The following SCAF8 variants were observed in gnomAD, a reference collection of about 807,000 sequenced individuals.
SCAF8 encodes SR-related and CTD-associated factor 8.
Under a neutral mutation model 140.5 loss-of-function variants are expected in SCAF8, and 23 were observed. The ratio of observed to expected loss-of-function variants is 0.16; its 90% CI spans 0.12 to 0.23. The LOEUF (loss-of-function observed/expected upper bound fraction) is 0.23. Ranked by LOEUF, SCAF8 falls within the 10% of genes least tolerant of loss-of-function variation. SCAF8 has a pLI of 1.00. For missense variants in SCAF8, 1,397 were observed against 1,555.7 expected (o/e 0.90, Z 1.72); for synonymous variants, 575 against 528.9 (o/e 1.09, Z -1.20).
chr6:154,810,912 A>G (rs540148672), intron 12 of SCAF8, among the ~76,000 whole-genome samples: 11 of 152,208 alleles, frequency 7.2e-5, no homozygotes, highest in Non-Finnish European at 1.5e-4. Context: ...AGAGCTAAAC[A>G]TTGATTGTGT....
chr6:154,739,112 A>T (rs577843680), intron 1 of SCAF8, among the ~76,000 whole-genome samples: 2 of 152,124 alleles, frequency 1.3e-5, no homozygotes, highest in South Asian at 4.1e-4. Context: ...CAGCCTCCTG[A>T]GTAACTAGGA....
intron 3 of SCAF8, 96 bp downstream of exon 3, chr6:154,778,141 T>G (rs1776969531): frequency 8.9e-6 from 6 of 672,014 alleles, no homozygotes; most frequent in African/African-American, 1.8e-5. Flanking sequence ...ATTGTTTTGA[T>G]GGACTGTTAA....
At chr6:154,754,306 GTCT>G (rs1275638832) in intron 1 of SCAF8, among the ~76,000 whole-genome samples, 3 of 152,164 alleles carry the variant, frequency 2.0e-5, no homozygotes, top group Non-Finnish European at 4.4e-5. Flanking sequence ...TGTTTTTAAA[GTCT>G]TCTTGGTTAT....
chr6:154,737,869 G>T (rs982304611), intron 1 of SCAF8, among the ~76,000 whole-genome samples: 1 of 152,112 alleles, frequency 6.6e-6, no homozygotes, highest in South Asian at 2.1e-4. Context: ...GGCCTAAGCC[G>T]TGGTGCCTGC....
chr6:154,833,700 T>A lies in SCAF8; in HGVS notation c.*305T>A. The A allele has an allele frequency of 4.1e-6, 1 of 243,394 alleles. No homozygotes were observed. The highest frequency in any genetic ancestry group is 7.9e-6 in the Non-Finnish European group (1 of 126,474). The allele number at this position is 243,394 out of a possible 1,614,324, so 15.1% of individuals were successfully genotyped here. On this transcript the variant is annotated 3_prime_UTR_variant, in exon 20 of 20. Coordinates refer to ENST00000367178, the MANE Select transcript of SCAF8 (RefSeq NM_014892.5). ...AGAGACTTCCTATGGAAGAAAGAAT[T>A]TTTTAGATACTATCATTAGGTTGGA...
At chr6:154,813,536 A>G (rs1001320012) in intron 12 of SCAF8, among the ~76,000 whole-genome samples, 1 of 152,152 alleles carries the variant, frequency 6.6e-6, no homozygotes, top group Admixed American at 6.5e-5. Flanking sequence ...CTCCAAAAAT[A>G]AAGGGGCGGG....
chr6:154,807,353 A>G lies in SCAF8; in HGVS notation c.982-717A>G, dbSNP rs151237248. On this transcript the variant is annotated intron_variant, in intron 9 of 19. Coordinates refer to ENST00000367178, the MANE Select transcript of SCAF8 (RefSeq NM_014892.5). ...AAGTTCTGAAAAACCTCATTGTTCA[A>G]AAATGAATCTAATGAAGAAAAGAGA... Among the ~76,000 whole-genome samples the G allele has an allele frequency of 3.1e-3, 472 of 152,376 alleles. 3 individuals carry two copies. The highest frequency in any genetic ancestry group is 0.01 in the African/African-American group (425 of 41,584).
In SCAF8 at chr6:154,733,590, C is replaced by A. The variant is rs538676844; in HGVS notation, c.-311C>A. The A allele has an allele frequency of 1.6e-6, 2 of 1,284,184 alleles. No homozygotes were observed. The highest frequency in any genetic ancestry group is 3.2e-5 in the East Asian group (1 of 31,720). 79.5% of individuals were successfully genotyped at this position (1,284,184 alleles called of 1,614,324 possible). ...TAGAGGGAGGGGGACCGAAACGGAGCGGGGCAGAGAAGAGAAGGCGCCGCG... is the reference window on the plus strand; with the variant it reads ...TAGAGGGAGGGGGACCGAAACGGAGAGGGGCAGAGAAGAGAAGGCGCCGCG... On this transcript the variant is annotated 5_prime_UTR_variant, in exon 1 of 20. Coordinates refer to ENST00000367178, the MANE Select transcript of SCAF8 (RefSeq NM_014892.5).
rs1239697890 is a variant in SCAF8, at chr6:154,808,101, T to C, written c.1013T>C (p.Phe338Ser). 1.2e-5 allele frequency: 19 copies of C among 1,613,868 alleles called. No individual in the cohort carries two copies. The highest frequency in any genetic ancestry group is 1.6e-5 in the Non-Finnish European group (19 of 1,179,896). The change falls in exon 10 of 20, where the codon TTT becomes TCT. Residue 338 changes from phenylalanine to serine, a missense_variant. Phe to Ser is a radical substitution (Grantham distance 155). Around this residue, in one of 5 missense-constraint regions of SCAF8, gnomAD observed 339 missense variants for 407.5 expected, o/e 0.83. Transcript: ENST00000367178. ...ATPQDSQEGTFGSEHSASPSQ... is the reference protein window; with the variant it reads ...ATPQDSQEGTSGSEHSASPSQ... ...CCTCAGGATAGTCAGGAAGGAACCT[T>C]TGGGTCAGAGCATTCAGCGTCACCA... is the stretch of plus-strand genomic sequence containing the variant.
chr6:154,817,927 G>A (rs1452160141), intron 13 of SCAF8, among the ~76,000 whole-genome samples: 1 of 152,086 alleles, frequency 6.6e-6, no homozygotes, highest in African/African-American at 2.4e-5. Context: ...TTTGCCAGAA[G>A]CACTTGAACA....
intron 1 of SCAF8, among the ~76,000 whole-genome samples, chr6:154,765,941 A>G (rs185656371): frequency 2.6e-5 from 4 of 152,284 alleles, no homozygotes; most frequent in South Asian, 4.1e-4. Context: ...GCTGAAAATC[A>G]TATAACTTTT....
chr6:154,792,706 A>C (rs529389992), intron 4 of SCAF8, 117 bp from the exon 5 acceptor site: 4 of 628,948 alleles, frequency 6.4e-6, no homozygotes, highest in African/African-American at 1.9e-5. Flanking sequence ...GCTAGAAAGT[A>C]CCATTGAAGT....
intron 16 of SCAF8, among the ~76,000 whole-genome samples, chr6:154,823,598 G>T (rs550936013): frequency 6.6e-6 from 1 of 152,202 alleles, no homozygotes; most frequent in African/African-American, 2.4e-5. Flanking sequence ...CAAGAAATTG[G>T]AAAGATAGAG....
Position 154,734,874 on chromosome 6 carries a change from C to A in SCAF8, c.30+944C>A, listed in dbSNP as rs560927899. ...GAACAGTGGCTCAGGCCTGTAATCCCAGCACTTTGGGAGGCCGAGGCGGGC... is the reference window on the plus strand; with the variant it reads ...GAACAGTGGCTCAGGCCTGTAATCCAAGCACTTTGGGAGGCCGAGGCGGGC... On this transcript the variant is annotated intron_variant, in intron 1 of 19. Coordinates refer to ENST00000367178, the MANE Select transcript of SCAF8 (RefSeq NM_014892.5). 8.3e-4 allele frequency among the ~76,000 whole-genome samples: 126 copies of A among 152,286 alleles called. 2 individuals carry two copies. The South Asian group carries it at 0.012, about 15-fold the overall frequency.
At position 154,812,023 on chromosome 6, in the gene SCAF8, CTG is replaced by C. The variant is rs368087899; in HGVS notation, c.1420+1818_1420+1819del. 5.9e-5 allele frequency among the ~76,000 whole-genome samples: 9 copies of C among 152,168 alleles called. No homozygotes were observed. In the South Asian group the frequency reaches 1.9e-3, roughly 32 times the overall value. ...CGTGTGCTGTTTACATAGTTTTTAACTGTGGAATTTATTTTTTATTTCTGTTT... is the reference window on the plus strand; with the variant it reads ...CGTGTGCTGTTTACATAGTTTTTAACTGGAATTTATTTTTTATTTCTGTTT... On this transcript the variant is annotated intron_variant, in intron 12 of 19. Transcript: ENST00000367178.
Position 154,778,048 on chromosome 6 carries a change from A to G in SCAF8, c.159+3A>G. 1.3e-6 allele frequency: 2 copies of G among 1,482,588 alleles called. No homozygotes were observed. The highest frequency in any genetic ancestry group is 1.9e-6 in the Non-Finnish European group (2 of 1,064,876). The allele number at this position is 1,482,588 out of a possible 1,614,324, so 91.8% of individuals were successfully genotyped here. ...GTGTTGAGAAGTTTATTCAGAAAGT[A>G]AGTATATAATTTTCCATACATGTGC... On this transcript the variant is annotated splice_donor_region_variant and intron_variant, in intron 3 of 19. Coordinates refer to ENST00000367178, the MANE Select transcript of SCAF8 (RefSeq NM_014892.5).
Position 154,733,831 on chromosome 6 carries a change from C to A in SCAF8, c.-70C>A. 1 of 1,507,460 alleles carries A rather than the reference C, an allele frequency of 6.6e-7. No individual in the cohort carries two copies. The highest frequency in any genetic ancestry group is 8.8e-7 in the Non-Finnish European group (1 of 1,133,384). 93.4% of individuals were successfully genotyped at this position (1,507,460 alleles called of 1,614,324 possible). On this transcript the variant is annotated 5_prime_UTR_variant, in exon 1 of 20. Transcript: ENST00000367178. ...CGCGGCCACGCAGCAGCCCGCGTCT[C>A]GCTCTCCCCACCCAGTGCAGTGGCC...
At position 154,822,418 on chromosome 6, in the gene SCAF8, T is replaced by C; in HGVS notation, c.1926+9T>C. ...CTGTTGCTATGTTGCAGGTTAGTGT[T>C]GAAGTGGGGTTTTTTTTTTCTTGTG... On this transcript the variant is annotated intron_variant, in intron 16 of 19. Transcript: ENST00000367178. 1 of 1,583,110 alleles carries C rather than the reference T, an allele frequency of 6.3e-7. No homozygotes were observed. Among genetic ancestry groups the C allele is most frequent in the Non-Finnish European group, 8.5e-7 (1 of 1,170,684 alleles).
At chr6:154,749,730 C>T (rs1279368183) in intron 1 of SCAF8, among the ~76,000 whole-genome samples, 1 of 151,954 alleles carries the variant, frequency 6.6e-6, no homozygotes, top group Non-Finnish European at 1.5e-5. Context: ...GATGAAGGGC[C>T]TTTATATAGC....
Sources: allele counts gnomAD v4.1 joint callset (sites outside exome capture counted in the v4.1 genomes callset), GRCh38; gene constraint gnomAD v4.1.1; regional missense constraint gnomAD v4.1.1; transcripts MANE v1.5; gene names NCBI Gene and HGNC (gene_info 2026-07-23, HGNC 2026-07-21).